Variants in ARHGEF6 observed in about 807,000 individuals in gnomAD.
ARHGEF6 encodes the protein Rac/Cdc42 guanine nucleotide exchange factor 6.
In ARHGEF6, 9 loss-of-function variants were observed where a neutral mutation model predicts 70.3. That is an observed-to-expected ratio of 0.13 (90% CI 0.08 to 0.22). The LOEUF (loss-of-function observed/expected upper bound fraction) is 0.22, where lower values mean the gene tolerates loss of function less well. Among genes scored for constraint, ARHGEF6 ranks in the 10% least tolerant of loss-of-function variants. The probability of loss-of-function intolerance (pLI) is 1.00; values close to 1 mark genes in which losing one functional copy is unlikely to be tolerated. For synonymous variants in ARHGEF6, 201 were observed against 207.8 expected (o/e 0.97, Z 0.28); for missense variants, 470 against 563.0 (o/e 0.83, Z 1.67).
At chrX:136,682,255 G>A (rs1305658631) in intron 13 of ARHGEF6, among the ~76,000 whole-genome samples, 2 of 112,073 alleles carry the variant, frequency 1.8e-5, no homozygotes, top group African/African-American at 6.5e-5. Flanking sequence ...AAAAGTGAAG[G>A]CTCAGATGTT....
intron 2 of ARHGEF6, among the ~76,000 whole-genome samples, chrX:136,766,207 T>C (rs1177727804): frequency 8.9e-6 from 1 of 112,085 alleles, no homozygotes; most frequent in Non-Finnish European, 1.9e-5. Flanking sequence ...GCAAATGATG[T>C]CATCAGAGAT....
chrX:136,667,872 G>GCACA lies in ARHGEF6; in HGVS notation c.*153_*156dup. On this transcript the variant is annotated 3_prime_UTR_variant, in exon 22 of 22. Coordinates refer to ENST00000250617, the MANE Select transcript of ARHGEF6 (RefSeq NM_004840.3). The stretch of plus-strand genomic sequence containing the variant: ...CGCGCACGTGCACGCACACACATAT[G>GCACA]CACACAGCGGGGAGAGAAAGAGAAG... 2 of 715,925 alleles carry GCACA rather than the reference G, an allele frequency of 2.8e-6. No individual in the cohort carries two copies. The highest frequency in any genetic ancestry group is 4.2e-6 in the Non-Finnish European group (2 of 470,723). 59.0% of individuals were successfully genotyped at this position (715,925 alleles called of 1,213,427 possible). A position where few individuals can be genotyped will look rare whatever the true frequency, so the allele number is the denominator to read the frequency against.
At chrX:136,688,420 C>T (rs377439558) in intron 10 of ARHGEF6, among the ~76,000 whole-genome samples, 15 of 109,985 alleles carry the variant, frequency 1.4e-4, no homozygotes, top group African/African-American at 4.6e-4. Context: ...AATAATTATT[C>T]GGGGTACATC....
At chrX:136,683,380 C>A (rs1009107753) in intron 12 of ARHGEF6, among the ~76,000 whole-genome samples, 1 of 110,047 alleles carries the variant, frequency 9.1e-6, no homozygotes, top group East Asian at 2.8e-4. Flanking sequence ...TTTCTTGAGA[C>A]GGAGTTTCGC....
intron 2 of ARHGEF6, chrX:136,767,392 T>G (rs2077327096): frequency 1.3e-6 from 1 of 754,081 alleles, no homozygotes; most frequent in Non-Finnish European, 1.6e-6. Flanking sequence ...GCTGCAACTT[T>G]GCGCCTGGAC....
intron 15 of ARHGEF6, among the ~76,000 whole-genome samples, chrX:136,680,106 A>T (rs974583676): frequency 2.7e-5 from 3 of 112,468 alleles, no homozygotes; most frequent in African/African-American, 6.5e-5. Context: ...CTGAAGCCAA[A>T]GTCCATATTC....
chrX:136,731,683 C>A (rs1182082178), intron 6 of ARHGEF6, among the ~76,000 whole-genome samples: 1 of 111,836 alleles, frequency 8.9e-6, no homozygotes, highest in Non-Finnish European at 1.9e-5. Context: ...ATATTCCAGA[C>A]GATATAATAA....
At chrX:136,673,282 T>C (rs1257688926) in intron 19 of ARHGEF6, among the ~76,000 whole-genome samples, 1 of 111,475 alleles carries the variant, frequency 9.0e-6, no homozygotes, top group Non-Finnish European at 1.9e-5. Flanking sequence ...CCCCTGCAGA[T>C]ACCAAGGGAC....
At position 136,732,263 on chromosome X, in the gene ARHGEF6, C is replaced by T. The variant is rs2076943413; in HGVS notation, c.662-91G>A. ...GGTCAACTAACATACTATAAAGATT[C>T]CCAGTGGAAGGATCAATGGAAATGT... On this transcript the variant is annotated intron_variant, in intron 5 of 21. Coordinates refer to ENST00000250617, the MANE Select transcript of ARHGEF6 (RefSeq NM_004840.3). 7 of 669,644 alleles carry T rather than the reference C, an allele frequency of 1.0e-5. No homozygotes were observed. In the East Asian group the frequency reaches 2.5e-4, roughly 23 times the overall value. 55.2% of individuals were successfully genotyped at this position (669,644 alleles called of 1,213,427 possible).
At chrX:136,769,410 C>G (rs2077347954) in intron 2 of ARHGEF6, among the ~76,000 whole-genome samples, 1 of 110,752 alleles carries the variant, frequency 9.0e-6, no homozygotes, top group African/African-American at 3.3e-5. Context: ...GACTCCATCT[C>G]AAAAATAAAT....
In ARHGEF6 at chrX:136,713,455, G is replaced by A. The variant is rs45557535; in HGVS notation, c.733-85C>T. On this transcript the variant is annotated intron_variant, in intron 6 of 21. Transcript: ENST00000250617. ...TTTGATCTTTTAACCAAATTACTAG[G>A]AAGAAAAAAGGTCCTATTTACTCAG... 2.1e-3 allele frequency: 1,419 copies of A among 684,472 alleles called. 1 individual carries two copies. The highest frequency in any genetic ancestry group is 2.8e-3 in the Non-Finnish European group (1,232 of 436,027). 56.4% of individuals were successfully genotyped at this position (684,472 alleles called of 1,213,427 possible). A position where few individuals can be genotyped will look rare whatever the true frequency, so the allele number is the denominator to read the frequency against.
intron 10 of ARHGEF6, among the ~76,000 whole-genome samples, chrX:136,688,479 C>T (rs1481317507): frequency 9.1e-6 from 1 of 110,132 alleles, no homozygotes; most frequent in Non-Finnish European, 1.9e-5. Flanking sequence ...ATGGTGGAAA[C>T]AAGAGTCGTG....
intron 2 of ARHGEF6, among the ~76,000 whole-genome samples, chrX:136,758,031 CTTTTTTTTTTTTTTTTTTTT>C (rs1164537601): frequency 2.9e-4 from 4 of 14,032 alleles, no homozygotes; most frequent in Non-Finnish European, 3.6e-4. Context: ...AAAATAAATT[CTTTTTTTTTTTTTTTTTTTT>C]TTTTTTTTTT....
At chrX:136,754,285 G>C (rs1180079544) in intron 2 of ARHGEF6, among the ~76,000 whole-genome samples, 1 of 111,316 alleles carries the variant, frequency 9.0e-6, no homozygotes, top group East Asian at 2.8e-4. Flanking sequence ...TAAAGGGAGA[G>C]CAAAAGAGAA....
In ARHGEF6 at chrX:136,667,493, C is replaced by T. The variant is rs2076172542; in HGVS notation, c.*536G>A. ...TTGGGCAGATGTGTTTGTCTTTCAT[C>T]CTACTCAAGCCATAGTCTGGAAGAT... On this transcript the variant is annotated 3_prime_UTR_variant, in exon 22 of 22. Coordinates refer to ENST00000250617, the MANE Select transcript of ARHGEF6 (RefSeq NM_004840.3). 8.2e-6 allele frequency: 1 copy of T among 121,878 alleles called. No individual in the cohort carries two copies. The highest frequency in any genetic ancestry group is 1.7e-5 in the Non-Finnish European group (1 of 58,947). 10.0% of individuals were successfully genotyped at this position (121,878 alleles called of 1,213,427 possible).
intron 2 of ARHGEF6, among the ~76,000 whole-genome samples, chrX:136,757,937 G>A (rs1171846161): frequency 1.9e-5 from 2 of 106,817 alleles, no homozygotes; most frequent in Non-Finnish European, 3.8e-5. Flanking sequence ...ATGCCTTTCC[G>A]AGAAGGAAAG....
intron 19 of ARHGEF6, among the ~76,000 whole-genome samples, chrX:136,673,669 C>T (rs1265715529): frequency 9.0e-6 from 1 of 110,795 alleles, no homozygotes; most frequent in Non-Finnish European, 1.9e-5. Flanking sequence ...ACTAAAGCTG[C>T]CCTCACTTTC....
At chrX:136,772,523 C>T (rs1248879050) in intron 2 of ARHGEF6, among the ~76,000 whole-genome samples, 1 of 112,234 alleles carries the variant, frequency 8.9e-6, no homozygotes, top group African/African-American at 3.2e-5. Context: ...CAAATATATA[C>T]ACCTGCTATG....
chrX:136,667,848 G>A lies in ARHGEF6; in HGVS notation c.*181C>T, dbSNP rs892576955. ...ACCAAACAACAGCAAATGCCCAAGC[G>A]CGCACGTGCACGCACACACATATGC... On this transcript the variant is annotated 3_prime_UTR_variant, in exon 22 of 22. Transcript: ENST00000250617. 30 of 554,777 alleles carry A rather than the reference G, an allele frequency of 5.4e-5. No homozygotes were observed. Among genetic ancestry groups the A allele is most frequent in the Non-Finnish European group, 7.1e-5 (25 of 351,209 alleles). 45.7% of individuals were successfully genotyped at this position (554,777 alleles called of 1,213,427 possible).
Sources: gnomAD v4.1 joint callset for allele counts (sites outside exome capture counted in the v4.1 genomes callset) on GRCh38, gnomAD v4.1.1 for gene constraint, MANE v1.5 for transcripts, NCBI Gene and HGNC (gene_info 2026-07-23, HGNC 2026-07-21) for gene names.